KAZN: variants seen among roughly 807,000 people sequenced by gnomAD.
The protein encoded by KAZN is kazrin.
KAZN carries 40 observed loss-of-function variants against 87.4 expected under a neutral mutation model. That is an observed-to-expected ratio of 0.46 (90% CI 0.36 to 0.60). KAZN has a LOEUF of 0.60. Among genes scored for constraint, KAZN ranks in the 20% least tolerant of loss-of-function variants. The probability of loss-of-function intolerance (pLI) is 0.00; values close to 1 mark genes in which losing one functional copy is unlikely to be tolerated. For synonymous variants in KAZN, 466 were observed against 458.3 expected (o/e 1.02, Z -0.22); for missense variants, 898 against 1,073.9 (o/e 0.84, Z 2.29).
Position 14,433,731 on chromosome 1 carries a change from G to A in KAZN, c.250-165252G>A, listed in dbSNP as rs182253782. 1.2e-3 allele frequency among the ~76,000 whole-genome samples: 186 copies of A among 152,292 alleles called. 1 individual carries two copies. Among genetic ancestry groups the A allele is most frequent in the Middle Eastern group, 6.8e-3 (2 of 294 alleles). On this transcript the variant is annotated intron_variant, in intron 2 of 16. Coordinates refer to the KAZN transcript ENST00000636203. ...AAAACTTAGCCAGGTATGGTGGCATGTGCCTGTAATCCCAGCTACTCGGGA... is the reference window on the plus strand; with the variant it reads ...AAAACTTAGCCAGGTATGGTGGCATATGCCTGTAATCCCAGCTACTCGGGA...
At chr1:14,952,929 A>G (rs1203989007) in intron 1 of KAZN, among the ~76,000 whole-genome samples, 1 of 152,144 alleles carries the variant, frequency 6.6e-6, no homozygotes, top group Non-Finnish European at 1.5e-5. Flanking sequence ...CGCAGGCCTG[A>G]GAGACTGGCC....
chr1:14,497,572 G>A (rs1670016243), intron 2 of KAZN, among the ~76,000 whole-genome samples: 1 of 152,136 alleles, frequency 6.6e-6, no homozygotes, highest in Non-Finnish European at 1.5e-5. Context: ...TCAGTTTAAA[G>A]TTGGCCATAT....
At chr1:14,055,328 T>C (rs1451934237) in intron 1 of KAZN, among the ~76,000 whole-genome samples, 1 of 152,156 alleles carries the variant, frequency 6.6e-6, no homozygotes, top group African/African-American at 2.4e-5. Context: ...GCTGACATCA[T>C]TGTTGCAGGG....
At chr1:13,905,129 T>G (rs1311548208) in intron 1 of KAZN, among the ~76,000 whole-genome samples, 1 of 152,216 alleles carries the variant, frequency 6.6e-6, no homozygotes, top group Non-Finnish European at 1.5e-5. Context: ...TAAGATAATC[T>G]TTGTCTCTCT....
intron 1 of KAZN, among the ~76,000 whole-genome samples, chr1:14,641,664 A>G (rs1042454179): frequency 6.6e-6 from 1 of 152,204 alleles, no homozygotes; most frequent in African/African-American, 2.4e-5. Flanking sequence ...TCTGGAACAC[A>G]ACACCCTGTT....
intron 1 of KAZN, among the ~76,000 whole-genome samples, chr1:13,894,534 T>C (rs568191587): frequency 2.6e-4 from 39 of 152,320 alleles, no homozygotes; most frequent in African/African-American, 6.0e-4. Context: ...CTCGACTTTT[T>C]TGGCGTTAAT....
chr1:15,083,755 G>A (rs1015559321), intron 8 of KAZN, among the ~76,000 whole-genome samples: 5 of 152,132 alleles, frequency 3.3e-5, no homozygotes, highest in Admixed American at 2.0e-4. Context: ...GGCAGGCAGG[G>A]CCAGGAGCCA....
In KAZN at chr1:14,599,499, C is replaced by G. The variant is rs892785066; in HGVS notation, c.226+276C>G. ...GGCGCAGCCGGCGGGTCCCTTCCGGCATCAGAAAGTGCCCTTTCCGTGGCA... is the reference window on the plus strand; with the variant it reads ...GGCGCAGCCGGCGGGTCCCTTCCGGGATCAGAAAGTGCCCTTTCCGTGGCA... On this transcript the variant is annotated intron_variant, in intron 1 of 14. Coordinates refer to ENST00000376030, the MANE Select transcript of KAZN (RefSeq NM_201628.3). This position sits in a 1 kb window ranked among gnomAD's most constrained non-coding sequence, Gnocchi z 4.4. 1.3e-5 allele frequency among the ~76,000 whole-genome samples: 2 copies of G among 152,188 alleles called. No homozygotes were observed. The highest frequency in any genetic ancestry group is 6.5e-5 in the Admixed American group (1 of 15,286).
At chr1:15,038,710 T>C (rs922486264) in intron 3 of KAZN, among the ~76,000 whole-genome samples, 1 of 152,228 alleles carries the variant, frequency 6.6e-6, no homozygotes, top group African/African-American at 2.4e-5. Flanking sequence ...ATTGTGCACC[T>C]ACTGTATAAG....
intron 1 of KAZN, among the ~76,000 whole-genome samples, chr1:14,697,289 C>G (rs988796369): frequency 1.3e-5 from 2 of 151,634 alleles, no homozygotes; most frequent in African/African-American, 2.4e-5. Context: ...ATGATCACAC[C>G]ACTGCACTCC....
intron 1 of KAZN, among the ~76,000 whole-genome samples, chr1:14,045,229 C>A (rs1642015700): frequency 1.3e-5 from 2 of 152,154 alleles, no homozygotes; most frequent in Non-Finnish European, 2.9e-5. Context: ...CTTTCAGCCA[C>A]TAAGTGTTGG....
intron 1 of KAZN, among the ~76,000 whole-genome samples, chr1:14,812,099 C>A (rs1165055614): frequency 1.3e-5 from 2 of 152,102 alleles, no homozygotes; most frequent in African/African-American, 4.8e-5. Flanking sequence ...TCACATCTTT[C>A]CCCACCTTTC....
At chr1:14,076,063 C>T (rs1218197428) in intron 1 of KAZN, among the ~76,000 whole-genome samples, 3 of 152,078 alleles carry the variant, frequency 2.0e-5, no homozygotes, top group African/African-American at 4.8e-5. Context: ...AGGTGGATCA[C>T]GAGATCAGGA....
chr1:14,140,721 C>T lies in KAZN; in HGVS notation c.92-39714C>T, dbSNP rs185847923. Among the ~76,000 whole-genome samples, 300 of 152,180 alleles carry T rather than the reference C, an allele frequency of 2.0e-3. 1 individual carries two copies. The highest frequency in any genetic ancestry group is 6.9e-3 in the African/African-American group (287 of 41,530). Reference sequence around the variant, plus strand: ...CACCCCCGCACCCCTGCCTCCCCCACGAACCCCGTCCAGAAGTTTCAGGCT... The same window carrying T: ...CACCCCCGCACCCCTGCCTCCCCCATGAACCCCGTCCAGAAGTTTCAGGCT... On this transcript the variant is annotated intron_variant, in intron 1 of 16. Transcript: ENST00000636203.
intron 1 of KAZN, among the ~76,000 whole-genome samples, chr1:14,831,045 A>G (rs1647035059): frequency 1.3e-5 from 2 of 152,212 alleles, no homozygotes; most frequent in Admixed American, 6.5e-5. Flanking sequence ...CTTTTAGTAG[A>G]GACAGGGTTT....
At chr1:14,890,839 A>C (rs1488750240) in intron 1 of KAZN, among the ~76,000 whole-genome samples, 102 of 42,224 alleles carry the variant, frequency 2.4e-3, no homozygotes, top group African/African-American at 7.8e-3. Context: ...AGGAATCTGG[A>C]CTTTTTTTTT....
chr1:14,231,440 A>C (rs1208244901), intron 2 of KAZN, among the ~76,000 whole-genome samples: 1 of 152,008 alleles, frequency 6.6e-6, no homozygotes, highest in Non-Finnish European at 1.5e-5. Flanking sequence ...TTCAATACTC[A>C]CTTTGGGATT....
intron 1 of KAZN, among the ~76,000 whole-genome samples, chr1:14,130,170 A>G (rs933806463): frequency 2.1e-4 from 32 of 152,208 alleles, no homozygotes; most frequent in African/African-American, 7.2e-4. Flanking sequence ...GTTAAGGGCT[A>G]TCGCCTCTCT....
At chr1:14,642,039 A>T (rs1680444193) in intron 1 of KAZN, among the ~76,000 whole-genome samples, 1 of 152,202 alleles carries the variant, frequency 6.6e-6, no homozygotes, top group Admixed American at 6.5e-5. Context: ...GCAGAAGAGG[A>T]TATATGGATG....
Sources: allele counts gnomAD v4.1 joint callset (sites outside exome capture counted in the v4.1 genomes callset), GRCh38; gene constraint gnomAD v4.1.1; non-coding constraint Gnocchi (gnomAD v3.1); transcripts MANE v1.5; gene names NCBI Gene and HGNC (gene_info 2026-07-23, HGNC 2026-07-21).